SPAG16: variants seen among roughly 807,000 people sequenced by gnomAD.
SPAG16 encodes the protein sperm-associated antigen 16 protein.
SPAG16 carries 86 observed loss-of-function variants against 80.4 expected under a neutral mutation model. The ratio of observed to expected loss-of-function variants is 1.07; its 90% CI spans 0.90 to 1.28. The LOEUF (loss-of-function observed/expected upper bound fraction) is 1.28, where lower values mean the gene tolerates loss of function less well. Among genes scored for constraint, SPAG16 ranks in the 50% most tolerant of loss-of-function variants. The pLI, the probability that SPAG16 is intolerant of heterozygous loss-of-function variation, is 0.00. For synonymous variants in SPAG16, 294 were observed against 265.9 expected, an observed-to-expected ratio of 1.11 and a Z score of -1.03; for missense variants, 870 against 765.3, an observed-to-expected ratio of 1.14 and a Z score of -1.61.
chr2:214,161,842 A>AG (rs1459891181), intron 15 of SPAG16, among the ~76,000 whole-genome samples: 4 of 152,138 alleles, frequency 2.6e-5, no homozygotes, highest in South Asian at 2.1e-4. Context: ...TAAAATAAAA[A>AG]TAACTTTAAA....
chr2:213,608,009 A>T lies in SPAG16; in HGVS notation c.1070+117919A>T, dbSNP rs189364246. On this transcript the variant is annotated intron_variant, in intron 10 of 15. Transcript: ENST00000331683. ...GTGATCCTTTATAGTGTGAAGTATA[A>T]TTTTTTTTATAATGTTATCTATTAA... Among the ~76,000 whole-genome samples, 21 of 152,108 alleles carry T rather than the reference A, an allele frequency of 1.4e-4. No individual in the cohort carries two copies. In the East Asian group the frequency reaches 3.9e-3, roughly 28 times the overall value.
intron 15 of SPAG16, among the ~76,000 whole-genome samples, chr2:214,400,888 T>C (rs1701667695): frequency 6.6e-6 from 1 of 152,072 alleles, no homozygotes; most frequent in African/African-American, 2.4e-5. Context: ...AAATTTAAAA[T>C]GCATTTGTTT....
At chr2:213,437,837 G>A (rs1003265328) in intron 9 of SPAG16, among the ~76,000 whole-genome samples, 1 of 152,116 alleles carries the variant, frequency 6.6e-6, no homozygotes, top group Non-Finnish European at 1.5e-5. Flanking sequence ...GAAAGTATAG[G>A]TAGTTTTCAT....
chr2:213,363,251 T>C (rs942488391), intron 7 of SPAG16, among the ~76,000 whole-genome samples: 5 of 152,164 alleles, frequency 3.3e-5, no homozygotes, highest in African/African-American at 1.2e-4. Context: ...GTTAATCTTA[T>C]GCTATTCTAA....
chr2:214,377,922 A>G (rs918787783), intron 15 of SPAG16, among the ~76,000 whole-genome samples: 10 of 152,206 alleles, frequency 6.6e-5, no homozygotes, highest in African/African-American at 1.9e-4. Context: ...TTGCAGATGG[A>G]TTAAATTATA....
intron 9 of SPAG16, among the ~76,000 whole-genome samples, chr2:213,415,081 A>G (rs2069176850): frequency 6.6e-6 from 1 of 152,224 alleles, no homozygotes; most frequent in Non-Finnish European, 1.5e-5. Context: ...CGTGGGAATT[A>G]CGGGAGTACA....
At chr2:214,377,203 AT>A (rs1266209864) in intron 15 of SPAG16, among the ~76,000 whole-genome samples, 1 of 152,162 alleles carries the variant, frequency 6.6e-6, no homozygotes, top group Non-Finnish European at 1.5e-5. Flanking sequence ...GCAGATCCCA[AT>A]AAAAAGTGAT....
At chr2:213,327,948 T>C (rs1485379293) in intron 5 of SPAG16, among the ~76,000 whole-genome samples, 1 of 152,178 alleles carries the variant, frequency 6.6e-6, no homozygotes, top group Non-Finnish European at 1.5e-5. Flanking sequence ...TAAGCCACTT[T>C]ACTAAAATAT....
intron 12 of SPAG16, among the ~76,000 whole-genome samples, chr2:213,983,187 GT>G (rs1379150668): frequency 1.3e-5 from 2 of 151,816 alleles, no homozygotes; most frequent in Non-Finnish European, 2.9e-5. Context: ...GCAGTACCCT[GT>G]TTTACAAATA....
intron 15 of SPAG16, among the ~76,000 whole-genome samples, chr2:214,196,812 A>G (rs1006869205): frequency 6.6e-6 from 1 of 152,056 alleles, no homozygotes; most frequent in Non-Finnish European, 1.5e-5. Flanking sequence ...AACCTGAAGG[A>G]TAGTATAATG....
chr2:213,698,802 G>A (rs1014741955), intron 10 of SPAG16, among the ~76,000 whole-genome samples: 3 of 152,120 alleles, frequency 2.0e-5, no homozygotes, highest in Non-Finnish European at 2.9e-5. Context: ...TGGATTTGGT[G>A]TCACTGAACT....
At chr2:214,072,438 C>T (rs1056378559) in intron 13 of SPAG16, among the ~76,000 whole-genome samples, 4 of 152,048 alleles carry the variant, frequency 2.6e-5, no homozygotes, top group African/African-American at 9.7e-5. Flanking sequence ...TCCTACACCC[C>T]GAACAATCCC....
intron 10 of SPAG16, among the ~76,000 whole-genome samples, chr2:213,813,578 G>T (rs2072316631): frequency 6.6e-6 from 1 of 152,258 alleles, no homozygotes; most frequent in African/African-American, 2.4e-5. Context: ...CCAGGGGAAA[G>T]GTCTGCTGCT....
chr2:214,275,146 G>A (rs757424987), intron 15 of SPAG16, among the ~76,000 whole-genome samples: 3 of 151,904 alleles, frequency 2.0e-5, no homozygotes, highest in South Asian at 2.1e-4. Context: ...GGTGATATCC[G>A]CTTTACCATT....
At position 213,971,876 on chromosome 2, in the gene SPAG16, TTGG is replaced by T. The variant is rs1381727167; in HGVS notation, c.1400+41733_1400+41735del. 7.9e-5 allele frequency among the ~76,000 whole-genome samples: 12 copies of T among 151,694 alleles called. 1 individual carries two copies. The highest frequency in any genetic ancestry group is 6.8e-3 in the Middle Eastern group (2 of 292). ...CTAACATGTGCTATTTTCTTGTTTT[TTGG>T]TTTTTTTTTTTAGTACAGTCATCCT... On this transcript the variant is annotated intron_variant, in intron 12 of 15. Coordinates refer to ENST00000331683, the MANE Select transcript of SPAG16 (RefSeq NM_024532.5).
chr2:213,645,779 C>T (rs562598588), intron 10 of SPAG16, among the ~76,000 whole-genome samples: 2 of 152,022 alleles, frequency 1.3e-5, no homozygotes, highest in Non-Finnish European at 2.9e-5. Context: ...GTCACGTGGC[C>T]CCCCCAGTCA....
chr2:213,662,824 A>G (rs1363117542), intron 10 of SPAG16, among the ~76,000 whole-genome samples: 1 of 152,112 alleles, frequency 6.6e-6, no homozygotes, highest in African/African-American at 2.4e-5. Context: ...TGAGATCTCT[A>G]AAGAGATCAG....
chr2:214,202,972 A>G (rs2058049115), intron 15 of SPAG16, among the ~76,000 whole-genome samples: 1 of 152,216 alleles, frequency 6.6e-6, no homozygotes, highest in South Asian at 2.1e-4. Context: ...TACAAAAAAA[A>G]TCTAAAGTTT....
rs1456454219 is a variant in SPAG16 at position 213,712,727 on chromosome 2, T to C, written c.1071-149758T>C. 2.0e-5 allele frequency among the ~76,000 whole-genome samples: 3 copies of C among 152,154 alleles called. No individual in the cohort carries two copies. In the East Asian group the frequency reaches 5.8e-4, roughly 29 times the overall value. The stretch of plus-strand genomic sequence containing the variant: ...AAAAAAGACCATACTGAGAACTTAC[T>C]TGAGTCCTCAGAAATTGGAAAAGTA... On this transcript the variant is annotated intron_variant, in intron 10 of 15. Coordinates refer to ENST00000331683, the MANE Select transcript of SPAG16 (RefSeq NM_024532.5).
Sources: gnomAD v4.1 joint callset for allele counts (sites outside exome capture counted in the v4.1 genomes callset) on GRCh38, gnomAD v4.1.1 for gene constraint, MANE v1.5 for transcripts, NCBI Gene and HGNC (gene_info 2026-07-23, HGNC 2026-07-21) for gene names.